The following ARHGAP20 variants were observed in gnomAD, a reference collection of about 807,000 sequenced individuals.
The protein encoded by ARHGAP20 is Rho GTPase activating protein 20.
Under a neutral mutation model 73.7 loss-of-function variants are expected in ARHGAP20, and 34 were observed. The ratio of observed to expected loss-of-function variants is 0.46; its 90% confidence interval spans 0.35 to 0.61. The LOEUF (loss-of-function observed/expected upper bound fraction) is 0.61. Among genes scored for constraint, ARHGAP20 ranks in the 20% least tolerant of loss-of-function variants. The probability of loss-of-function intolerance (pLI) is 0.00; values close to 1 mark genes in which losing one functional copy is unlikely to be tolerated. For synonymous variants in ARHGAP20, 523 were observed against 518.2 expected (o/e 1.01, Z -0.13); for missense variants, 1,314 against 1,420.9 (o/e 0.92, Z 1.21).
At chr11:110,705,323 C>T (rs980140281) in intron 1 of ARHGAP20, among the ~76,000 whole-genome samples, 12 of 152,076 alleles carry the variant, frequency 7.9e-5, no homozygotes, top group South Asian at 2.1e-4. Flanking sequence ...TTTGTCCTGC[C>T]GCCCTTTCGC....
intron 1 of ARHGAP20, chr11:110,711,579 A>T (rs770035457): frequency 1.4e-6 from 2 of 1,467,380 alleles, no homozygotes; most frequent in Non-Finnish European, 1.8e-6. Flanking sequence ...CTGCCCCCCG[A>T]AAACTGCTAT....
intron 2 of ARHGAP20, among the ~76,000 whole-genome samples, chr11:110,663,395 T>C (rs1191102373): frequency 6.6e-6 from 1 of 150,382 alleles, no homozygotes; most frequent in Non-Finnish European, 1.5e-5. Flanking sequence ...TAATTACTAA[T>C]ATCAGGAATT....
At chr11:110,589,499 C>A in intron 11 of ARHGAP20, 3 of 985,436 alleles carry the variant, frequency 3.0e-6, no homozygotes, top group Non-Finnish European at 3.6e-6. Flanking sequence ...CACGTTTCAG[C>A]CTGAGATACA....
At chr11:110,608,830 T>C (rs776817402) in intron 8 of ARHGAP20, among the ~76,000 whole-genome samples, 154 bp downstream of exon 8, 3 of 152,186 alleles carry the variant, frequency 2.0e-5, no homozygotes, top group Admixed American at 6.5e-5. Context: ...GTCTAGCACA[T>C]AGTAAATCTT....
At chr11:110,695,361 C>T (rs1950315971) in intron 1 of ARHGAP20, among the ~76,000 whole-genome samples, 3 of 151,454 alleles carry the variant, frequency 2.0e-5, no homozygotes, top group African/African-American at 7.3e-5. Context: ...TTTAACATTT[C>T]CATGCTTCAA....
At chr11:110,655,851 C>T (rs935752171) in intron 2 of ARHGAP20, among the ~76,000 whole-genome samples, 2 of 152,134 alleles carry the variant, frequency 1.3e-5, no homozygotes, top group Admixed American at 6.6e-5. Context: ...TAGGGCCAGG[C>T]ATTTCTCTGA....
At chr11:110,687,035 C>CATATATAT (rs142490183) in intron 2 of ARHGAP20, among the ~76,000 whole-genome samples, 1,479 of 121,966 alleles carry the variant, frequency 0.012, 75 homozygotes, top group African/African-American at 0.046. Context: ...AAGATTAAAA[C>CATATATAT]ATATATATAT....
At chr11:110,708,380 A>G (rs1467030663) in intron 1 of ARHGAP20, among the ~76,000 whole-genome samples, 1 of 152,178 alleles carries the variant, frequency 6.6e-6, no homozygotes, top group East Asian at 1.9e-4. Flanking sequence ...TGACCCAGCT[A>G]TTCCACACCT....
chr11:110,691,063 A>G, intron 1 of ARHGAP20: 2 of 1,406,308 alleles, frequency 1.4e-6, no homozygotes, highest in Non-Finnish European at 1.9e-6. Context: ...CAAGTAAAGG[A>G]GAGGAAAAAA....
intron 2 of ARHGAP20, among the ~76,000 whole-genome samples, chr11:110,635,414 G>A (rs1371013826): frequency 6.6e-6 from 1 of 152,056 alleles, no homozygotes; most frequent in Non-Finnish European, 1.5e-5. Flanking sequence ...TGATTCTAAC[G>A]CACATTAGAT....
chr11:110,581,137 C>G lies in ARHGAP20; in HGVS notation c.1809G>C (p.Leu603Phe), dbSNP rs759351553. 21 of 1,614,042 alleles carry G rather than the reference C, an allele frequency of 1.3e-5. No individual in the cohort carries two copies. Among genetic ancestry groups the G allele is most frequent in the Non-Finnish European group, 1.4e-5 (16 of 1,180,026 alleles). The change falls in exon 15 of 15, where the codon TTG becomes TTC. Residue 603 changes from leucine (L) to phenylalanine (F), a missense_variant. Physicochemically the swap from Leu to Phe is conservative, Grantham distance 22. Coordinates refer to ENST00000683387, the MANE Select transcript of ARHGAP20 (RefSeq NM_001384657.1). ...TGCTCCCCTGGCCAAGTTTCTTTAC[C>G]AAGTCACTGCATGGTGCATCAACAT... The part of the protein sequence containing the change: ...NEDVDAPCSD[L>F]VKKLGQGSRS...
intron 2 of ARHGAP20, among the ~76,000 whole-genome samples, chr11:110,684,361 A>T (rs1478785883): frequency 6.6e-6 from 1 of 152,188 alleles, no homozygotes; most frequent in Non-Finnish European, 1.5e-5. Context: ...AAAAAAGGGA[A>T]AATAACAGCT....
Position 110,671,483 on chromosome 11 carries a change from T to C in ARHGAP20, c.188+19064A>G, listed in dbSNP as rs1434539625. On this transcript the variant is annotated intron_variant, in intron 2 of 14. Coordinates refer to ENST00000683387, the MANE Select transcript of ARHGAP20 (RefSeq NM_001384657.1). The stretch of plus-strand genomic sequence containing the variant: ...GCTCTTACCACTTTCGACAATACAG[T>C]AGAAGTTTTAGTACACTGAGGCAAG... Among the ~76,000 whole-genome samples, 3 of 152,028 alleles carry C rather than the reference T, an allele frequency of 2.0e-5. No individual in the cohort carries two copies. The East Asian group carries it at 5.8e-4, about 29-fold the overall frequency.
chr11:110,666,676 A>G (rs1426675247), intron 2 of ARHGAP20, among the ~76,000 whole-genome samples: 1 of 152,188 alleles, frequency 6.6e-6, no homozygotes. Context: ...ACAGCATATG[A>G]TCACTTCACA....
At chr11:110,585,152 C>A (rs1947627317) in intron 12 of ARHGAP20, among the ~76,000 whole-genome samples, 2 of 151,296 alleles carry the variant, frequency 1.3e-5, no homozygotes, top group Admixed American at 1.3e-4. Flanking sequence ...TGAATATATA[C>A]ATATGATTTC....
chr11:110,658,798 C>G (rs1399254742), intron 2 of ARHGAP20, among the ~76,000 whole-genome samples: 1 of 118,146 alleles, frequency 8.5e-6, no homozygotes, highest in East Asian at 2.6e-4. Flanking sequence ...GTTTTCATGT[C>G]TTCGGTTACC....
intron 11 of ARHGAP20, chr11:110,589,717 A>G: frequency 4.1e-6 from 4 of 984,486 alleles, no homozygotes; most frequent in Non-Finnish European, 4.8e-6. Flanking sequence ...GTAACCATGG[A>G]TGTGACTTAA....
At chr11:110,660,074 A>T (rs979564855) in intron 2 of ARHGAP20, among the ~76,000 whole-genome samples, 2 of 150,582 alleles carry the variant, frequency 1.3e-5, no homozygotes, top group African/African-American at 4.9e-5. Flanking sequence ...AAAAAAAAAA[A>T]AAAAGAAAAT....
At chr11:110,633,815 A>C (rs1250714312) in intron 2 of ARHGAP20, among the ~76,000 whole-genome samples, 3 of 152,166 alleles carry the variant, frequency 2.0e-5, no homozygotes, top group East Asian at 1.9e-4. Context: ...ACTGAGTCTG[A>C]AATTATCAGT....
Sources: allele counts gnomAD v4.1 joint callset (sites outside exome capture counted in the v4.1 genomes callset), GRCh38; gene constraint gnomAD v4.1.1; transcripts MANE v1.5; gene names NCBI Gene and HGNC (gene_info 2026-07-23, HGNC 2026-07-21).